ZBTB4: variants seen among roughly 807,000 people sequenced by gnomAD.
ZBTB4 encodes the protein zinc finger and BTB domain-containing protein 4.
ZBTB4 carries 14 observed loss-of-function variants against 59.8 expected under a neutral mutation model. That is an observed-to-expected ratio of 0.23 (90% CI 0.15 to 0.37). The LOEUF (loss-of-function observed/expected upper bound fraction) is 0.37. Ranked by LOEUF, ZBTB4 falls within the 10% of genes least tolerant of loss-of-function variation. The pLI, the probability that ZBTB4 is intolerant of heterozygous loss-of-function variation, is 1.00. For missense variants in ZBTB4, 1,198 were observed against 1,380.8 expected (o/e 0.87, Z 2.10); for synonymous variants, 587 against 575.2 (o/e 1.02, Z -0.29).
Position 7,462,225 on chromosome 17 carries a change from A to C in ZBTB4, c.2757T>G (p.Pro919=). ...GIGAAKVTFY[P]EPYPLVYGPQ... ...GGCCATAGACGAGCGGGTAGGGCTC[A>C]GGGTAGAAAGTGACTTTGGCAGCCC... Residue 919 remains proline (P), a synonymous_variant, in exon 4 of 4, where the codon CCT becomes CCG. Transcript: ENST00000380599. This position sits in a 1 kb window ranked among gnomAD's most constrained non-coding sequence, Gnocchi z 7.5. The C allele has an allele frequency of 6.2e-7, 1 of 1,613,800 alleles. No homozygotes were observed. The highest frequency in any genetic ancestry group is 8.5e-7 in the Non-Finnish European group (1 of 1,179,852).
chr17:7,480,678 C>T (rs538827813), upstream of ZBTB4, among the ~76,000 whole-genome samples: 14 of 152,044 alleles, frequency 9.2e-5, no homozygotes, highest in Admixed American at 3.3e-4. Context: ...CGAGATCTCG[C>T]CACTGCACTC....
upstream of ZBTB4, chr17:7,481,296 C>A: frequency 1.6e-6 from 1 of 621,814 alleles, no homozygotes; most frequent in Non-Finnish European, 2.3e-6. Context: ...CACCATTGCA[C>A]TCCAGCCTGG....
In ZBTB4 at chr17:7,463,528, C is replaced by A; in HGVS notation, c.1454G>T (p.Gly485Val). The A allele has an allele frequency of 6.3e-7, 1 of 1,579,600 alleles. No individual in the cohort carries two copies. The highest frequency in any genetic ancestry group is 8.6e-7 in the Non-Finnish European group (1 of 1,163,366). Residue 485 changes from glycine (G) to valine (V), a missense_variant, in exon 4 of 4, where the codon GGG becomes GTG. By Grantham distance (109) the Gly-to-Val change is moderately radical. Transcript: ENST00000380599. The stretch of plus-strand genomic sequence containing the variant: ...CCCCCCTCCACCACTGCTACTGCCC[C>A]CATGGACAATGACAGAGGGGGCTGG... ...AHPAPSVIVH[G>V]GSSSGGGGSG...
In ZBTB4 at chr17:7,466,772, C is replaced by A; in HGVS notation, c.30G>T (p.Pro10=). Residue 10 remains proline, a synonymous_variant, in exon 3 of 4, where the codon CCG becomes CCT. Transcript: ENST00000380599. The surrounding 1 kb of genome is among the most constrained non-coding windows in gnomAD (Gnocchi z 9.1). ...GGCGCAGGACGGCGGGGGCATGGGA[C>A]GGGTCCGTCACCTCTGCAGGGGGGG... MPPPAEVTD[P]SHAPAVLRQL... is the part of the protein sequence containing the mutation. 6.3e-7 allele frequency: 1 copy of A among 1,579,010 alleles called. No homozygotes were observed. Among genetic ancestry groups the A allele is most frequent in the Non-Finnish European group, 8.6e-7 (1 of 1,163,840 alleles).
At chr17:7,481,470 G>C (rs771182474), upstream of ZBTB4, 98 of 1,484,594 alleles carry the variant, frequency 6.6e-5, no homozygotes, top group Non-Finnish European at 7.7e-5. Flanking sequence ...AGCTCTGAGG[G>C]GCCCAGGCTC....
chr17:7,481,211 T>A, upstream of ZBTB4: 1 of 224,724 alleles, frequency 4.4e-6, no homozygotes, highest in Admixed American at 5.9e-5. Flanking sequence ...ATTCTTGTAA[T>A]CCCAGCTACT....
At chr17:7,482,406 G>A, upstream of ZBTB4, 1 of 1,614,020 alleles carries the variant, frequency 6.2e-7, no homozygotes, top group Non-Finnish European at 8.5e-7. Context: ...TCCACCGTCT[G>A]CTCCGCCGTC....
Position 7,463,871 on chromosome 17 carries a change from A to C in ZBTB4, c.1111T>G (p.Trp371Gly). Residue 371 changes from tryptophan to glycine, a missense_variant, in exon 4 of 4, where the codon TGG becomes GGG. By Grantham distance (184) the Trp-to-Gly change is radical. This residue lies in a region of ZBTB4 where 60 missense variants were observed against 93.0 expected (regional missense o/e 0.64). Coordinates refer to ENST00000380599, the MANE Select transcript of ZBTB4 (RefSeq NM_001128833.2). ...GERRYQCIFCWETFVTYYNLK... is the reference protein window; with the variant it reads ...GERRYQCIFCGETFVTYYNLK... Reference sequence around the variant, plus strand: ...TTATAGTAAGTGACAAAGGTCTCCCAACAGAAGATGCACTGGTACCTGGGT... The same window carrying C: ...TTATAGTAAGTGACAAAGGTCTCCCCACAGAAGATGCACTGGTACCTGGGT... The C allele has an allele frequency of 6.2e-7, 1 of 1,613,698 alleles. No homozygotes were observed. The highest frequency in any genetic ancestry group is 2.2e-5 in the East Asian group (1 of 44,886).
At chr17:7,464,781 T>A (rs928099272) in intron 3 of ZBTB4, among the ~76,000 whole-genome samples, 1 of 147,556 alleles carries the variant, frequency 6.8e-6, no homozygotes, top group South Asian at 2.1e-4. Flanking sequence ...GAGGTTGCAC[T>A]GAGCTGAGAT....
At chr17:7,464,326 C>A (rs1425059217) in intron 3 of ZBTB4, among the ~76,000 whole-genome samples, 1 of 142,878 alleles carries the variant, frequency 7.0e-6, no homozygotes, top group African/African-American at 2.6e-5. Context: ...ACAAAGAGGC[C>A]CTAACAAACC....
Position 7,462,653 on chromosome 17 carries a change from C to T in ZBTB4, c.2329G>A (p.Ala777Thr), listed in dbSNP as rs771159930. The change falls in exon 4 of 4, where the codon GCA becomes ACA. Residue 777 changes from alanine to threonine, a missense_variant. Ala to Thr is a moderately conservative substitution (Grantham distance 58). Transcript: ENST00000380599. The surrounding 1 kb of genome is among the most constrained non-coding windows in gnomAD (Gnocchi z 7.5). The part of the protein sequence containing the change: ...CPHCAKVCKT[A>T]AALSRHGQRH... ...TGCCCGTGGCGGCTCAGGGCAGCTG[C>T]GGTCTTGCACACCTTGGCGCAGTGG... is the stretch of plus-strand genomic sequence containing the variant. 29 of 1,607,470 alleles carry T rather than the reference C, an allele frequency of 1.8e-5. No homozygotes were observed. In the East Asian group the frequency reaches 4.9e-4, roughly 27 times the overall value.
intron 1 of ZBTB4, among the ~76,000 whole-genome samples, chr17:7,471,116 A>G (rs576551200): frequency 2.0e-5 from 3 of 152,240 alleles, no homozygotes; most frequent in South Asian, 2.1e-4. Flanking sequence ...GAGACACCCA[A>G]TGCTGGACTG....
chr17:7,466,526 C>T lies in ZBTB4; in HGVS notation c.276G>A (p.Ser92=), dbSNP rs551526365. ...CAGAGGAGGAAGAAGAGGAAGAAGA[C>T]GAGGAAGAGGAGGAGGAGGAAGAGG... ...TAASSSSSSS[S]SSSSSSSSAS... The change falls in exon 3 of 4, where the codon TCG becomes TCA. Residue 92 remains serine (S), a synonymous_variant. Transcript: ENST00000380599. The surrounding 1 kb of genome is among the most constrained non-coding windows in gnomAD (Gnocchi z 9.1). 1.5e-4 allele frequency: 246 copies of T among 1,610,618 alleles called. No individual in the cohort carries two copies. Among genetic ancestry groups the T allele is most frequent in the South Asian group, 1.9e-4 (17 of 90,618 alleles).
chr17:7,482,403 T>G (rs922792938), upstream of ZBTB4: 3 of 1,613,880 alleles, frequency 1.9e-6, no homozygotes, highest in African/African-American at 4.0e-5. Context: ...TCTTCCACCG[T>G]CTGCTCCGCC....
chr17:7,481,974 T>C (rs763600166), upstream of ZBTB4: 19 of 1,574,800 alleles, frequency 1.2e-5, no homozygotes, highest in Non-Finnish European at 1.5e-5. Flanking sequence ...CCTGAGCTCC[T>C]TTCTCCCTAA....
chr17:7,481,469 G>A (rs749369850), upstream of ZBTB4: 15 of 1,479,004 alleles, frequency 1.0e-5, no homozygotes, highest in Admixed American at 4.9e-5. Context: ...GAGCTCTGAG[G>A]GGCCCAGGCT....
intron 1 of ZBTB4, among the ~76,000 whole-genome samples, chr17:7,474,721 C>T (rs1298280550): frequency 6.6e-6 from 1 of 152,084 alleles, no homozygotes; most frequent in Non-Finnish European, 1.5e-5. Flanking sequence ...TATAACTTGA[C>T]CACTTCTGGG....
chr17:7,466,587 C>A lies in ZBTB4; in HGVS notation c.215G>T (p.Gly72Val). Reference protein sequence around the residue: ...SAPLPLPPATGGAAPNPATTT... With the variant: ...SAPLPLPPATVGAAPNPATTT... ...GGTGGCAGGGTTGGGTGCGGCGCCC[C>A]CAGTAGCTGGTGGAAGGGGTAGTGG... is the stretch of plus-strand genomic sequence containing the variant. The change falls in exon 3 of 4, where the codon GGG (glycine) becomes GTG (valine). Residue 72 changes from glycine to valine, a missense_variant. Coordinates refer to ENST00000380599, the MANE Select transcript of ZBTB4 (RefSeq NM_001128833.2). This position sits in a 1 kb window ranked among gnomAD's most constrained non-coding sequence, Gnocchi z 9.1. 6.2e-7 allele frequency: 1 copy of A among 1,613,150 alleles called. No homozygotes were observed. Among genetic ancestry groups the A allele is most frequent in the Non-Finnish European group, 8.5e-7 (1 of 1,179,538 alleles).
Position 7,463,369 on chromosome 17 carries a change from G to A in ZBTB4, c.1613C>T (p.Thr538Ile). The change falls in exon 4 of 4, where the codon ACA becomes ATA. Residue 538 changes from threonine to isoleucine, a missense_variant. Coordinates refer to ENST00000380599, the MANE Select transcript of ZBTB4 (RefSeq NM_001128833.2). The stretch of plus-strand genomic sequence containing the variant: ...TGCAGCGGTGGCTGGGCTGACTGCT[G>A]TGGCTGGGCTGGTGGGTGTGGCTGC... ...EPAATPTSPA[T>I]AVSPATAAGP... is the part of the protein sequence containing the mutation. 2 of 1,605,194 alleles carry A rather than the reference G, an allele frequency of 1.2e-6. No homozygotes were observed. The highest frequency in any genetic ancestry group is 1.7e-6 in the Non-Finnish European group (2 of 1,176,084).
Sources: gnomAD v4.1 joint callset for allele counts (sites outside exome capture counted in the v4.1 genomes callset) on GRCh38, gnomAD v4.1.1 for gene constraint, gnomAD v4.1.1 regional missense constraint, Gnocchi (gnomAD v3.1) non-coding constraint, MANE v1.5 for transcripts, NCBI Gene and HGNC (gene_info 2026-07-23, HGNC 2026-07-21) for gene names.